The following PPFIA1 variants were observed in gnomAD, a reference collection of about 807,000 sequenced individuals.
The protein encoded by PPFIA1 is PPFI scaffold protein A1, also known as liprin-alpha-1.
A neutral mutation model predicts 149.9 loss-of-function variants in PPFIA1; 25 were observed. The observed-to-expected ratio is 0.17, with a 90% CI of 0.12 to 0.23. The LOEUF (loss-of-function observed/expected upper bound fraction) is 0.23. PPFIA1 is among the 10% of genes least tolerant of loss of function. The pLI is 1.00. For missense variants in PPFIA1, 1,362 were observed against 1,506.5 expected, an observed-to-expected ratio of 0.90 and a Z score of 1.59; for synonymous variants, 549 against 552.8, an observed-to-expected ratio of 0.99 and a Z score of 0.10.
At chr11:70,297,447 A>G (rs2052150145) in intron 2 of PPFIA1, among the ~76,000 whole-genome samples, 1 of 152,148 alleles carries the variant, frequency 6.6e-6, no homozygotes, top group Non-Finnish European at 1.5e-5. Flanking sequence ...GATGTAAACA[A>G]TATGGAAACA....
chr11:70,379,508 G>A lies in PPFIA1; in HGVS notation c.3550+1313G>A, dbSNP rs1465528417. ...GTGCTAATTAGGGGCCAAGCATGGT[G>A]GCTTATACCAGTAATCCTAGCACTT... is the stretch of plus-strand genomic sequence containing the variant. On this transcript the variant is annotated intron_variant, in intron 26 of 27. Coordinates refer to ENST00000253925, the MANE Select transcript of PPFIA1 (RefSeq NM_003626.5). Among the ~76,000 whole-genome samples the A allele has an allele frequency of 2.0e-5, 3 of 151,692 alleles. No individual in the cohort carries two copies. The East Asian group carries it at 5.8e-4, about 29-fold the overall frequency.
At position 70,372,591 on chromosome 11, in the gene PPFIA1, T is replaced by TA; in HGVS notation, c.3139+19dup. 1 of 1,584,428 alleles carries TA rather than the reference T, an allele frequency of 6.3e-7. No individual in the cohort carries two copies. Among genetic ancestry groups the TA allele is most frequent in the Non-Finnish European group, 8.6e-7 (1 of 1,156,628 alleles). ...AAATAAAAGGTTAGTACATGACATT[T>TA]AATTGATTCGGTTTACTCCTACTTG... On this transcript the variant is annotated intron_variant, in intron 23 of 27. Coordinates refer to ENST00000253925, the MANE Select transcript of PPFIA1 (RefSeq NM_003626.5).
chr11:70,339,608 C>T (rs1428412835), intron 14 of PPFIA1, among the ~76,000 whole-genome samples: 1 of 147,756 alleles, frequency 6.8e-6, no homozygotes, highest in Non-Finnish European at 1.5e-5. Context: ...GTGTGAGCCA[C>T]CGTGCCTGGC....
chr11:70,352,452 AT>A (rs1338669171), intron 16 of PPFIA1, among the ~76,000 whole-genome samples: 1 of 152,048 alleles, frequency 6.6e-6, no homozygotes, highest in Non-Finnish European at 1.5e-5. Context: ...TAGCATGTTG[AT>A]TGACACTTAG....
chr11:70,354,430 G>A lies in PPFIA1; in HGVS notation c.2293G>A (p.Glu765Lys), dbSNP rs765227857. 3.1e-5 allele frequency: 50 copies of A among 1,613,754 alleles called. No homozygotes were observed. Among genetic ancestry groups the A allele is most frequent in the Non-Finnish European group, 3.4e-5 (40 of 1,179,958 alleles). Residue 765 changes from glutamate (E) to lysine (K), a missense_variant, in exon 17 of 28, where the codon GAG becomes AAG. This residue lies in a region of PPFIA1 where 733 missense variants were observed against 744.1 expected (regional missense o/e 0.99). Coordinates refer to ENST00000253925, the MANE Select transcript of PPFIA1 (RefSeq NM_003626.5). ...AGGGGCGCTGCACACCGTCAGCCAC[G>A]AGGACATCAGGGACATAAGGAAGTA... ...HKGALHTVSHEDIRDIRNSTG... is the reference protein window; with the variant it reads ...HKGALHTVSHKDIRDIRNSTG...
In PPFIA1 at chr11:70,348,601, C is replaced by T. The variant is rs554733010; in HGVS notation, c.2163+181C>T. ...ACAAACTAATTTTAATATCTGGGGC[C>T]GGGCGTGGTGGCTCATGCCTGTGAT... is the stretch of plus-strand genomic sequence containing the variant. On this transcript the variant is annotated intron_variant, in intron 16 of 27. Coordinates refer to ENST00000253925, the MANE Select transcript of PPFIA1 (RefSeq NM_003626.5). 1.2e-4 allele frequency among the ~76,000 whole-genome samples: 18 copies of T among 152,326 alleles called. No individual in the cohort carries two copies. In the South Asian group the frequency reaches 1.4e-3, roughly 12 times the overall value.
intron 7 of PPFIA1, chr11:70,327,183 T>C (rs2054350152): frequency 4.7e-6 from 1 of 213,798 alleles, no homozygotes; most frequent in African/African-American, 2.4e-5. Context: ...TTTGTTCTTA[T>C]GTTCAGATTG....
At chr11:70,314,361 G>A (rs1040869976) in intron 2 of PPFIA1, among the ~76,000 whole-genome samples, 2 of 152,192 alleles carry the variant, frequency 1.3e-5, no homozygotes, top group African/African-American at 4.8e-5. Flanking sequence ...GACAACCCAG[G>A]CTGGGGAAAA....
chr11:70,324,021 TTCCTC>T lies in PPFIA1; in HGVS notation c.265-378_265-374del, dbSNP rs377097927. Among the ~76,000 whole-genome samples the T allele has an allele frequency of 2.7e-4, 41 of 152,366 alleles. No individual in the cohort carries two copies. The East Asian group carries it at 7.5e-3, about 28-fold the overall frequency. ...GGGGTGGTGGCCTTCTAGGCCATCT[TTCCTC>T]TCTCTCCAGCAACTCTAGATCACAT... On this transcript the variant is annotated intron_variant, in intron 2 of 27. Transcript: ENST00000253925.
At chr11:70,382,244 G>A in intron 27 of PPFIA1, 86 bp downstream of exon 27, 3 of 984,272 alleles carry the variant, frequency 3.0e-6, no homozygotes, top group Non-Finnish European at 4.6e-6. Flanking sequence ...TAGGGGTGTG[G>A]ACCATGAAAG....
At chr11:70,297,358 A>G (rs529339971) in intron 2 of PPFIA1, among the ~76,000 whole-genome samples, 86 of 152,260 alleles carry the variant, frequency 5.6e-4, no homozygotes, top group African/African-American at 2.0e-3. Flanking sequence ...GCAGTGAGCT[A>G]TGATCATACC....
At chr11:70,381,722 T>C (rs943403615) in intron 26 of PPFIA1, among the ~76,000 whole-genome samples, 2 of 152,198 alleles carry the variant, frequency 1.3e-5, no homozygotes, top group African/African-American at 2.4e-5. Context: ...ATGGAGCACT[T>C]AGGGCAGGGA....
intron 21 of PPFIA1, among the ~76,000 whole-genome samples, chr11:70,367,167 A>G (rs965483671): frequency 1.3e-5 from 2 of 152,260 alleles, no homozygotes; most frequent in Non-Finnish European, 2.9e-5. Context: ...GTGGAAATAT[A>G]AACAAGACTG....
intron 14 of PPFIA1, among the ~76,000 whole-genome samples, chr11:70,342,425 C>T (rs946896181): frequency 2.6e-5 from 4 of 152,110 alleles, no homozygotes; most frequent in Admixed American, 6.5e-5. Flanking sequence ...GGGGGGATTG[C>T]GTAGGTCCCG....
At position 70,285,788 on chromosome 11, in the gene PPFIA1, A is replaced by G. The variant is rs970621451; in HGVS notation, c.264+13352A>G. On this transcript the variant is annotated intron_variant, in intron 2 of 27. Transcript: ENST00000253925. ...TGCATACTGTTTTCATGCAGTATAC[A>G]TAATGTTTATGTATATAGTGTATAC... is the stretch of plus-strand genomic sequence containing the variant. 3.3e-5 allele frequency among the ~76,000 whole-genome samples: 5 copies of G among 152,140 alleles called. No homozygotes were observed. The South Asian group carries it at 6.2e-4, about 19-fold the overall frequency.
At chr11:70,303,946 C>T (rs1453853449) in intron 2 of PPFIA1, among the ~76,000 whole-genome samples, 1 of 152,034 alleles carries the variant, frequency 6.6e-6, no homozygotes, top group Admixed American at 6.5e-5. Flanking sequence ...GCGGAGGTTG[C>T]GGTGAGCTGA....
chr11:70,341,062 T>C (rs1405350618), intron 14 of PPFIA1: 1 of 342,990 alleles, frequency 2.9e-6, no homozygotes, highest in African/African-American at 2.8e-5. Flanking sequence ...TTCATTTGAG[T>C]GAGGTGCTGA....
At chr11:70,357,354 T>C (rs2056408652) in intron 19 of PPFIA1, among the ~76,000 whole-genome samples, 2 of 152,182 alleles carry the variant, frequency 1.3e-5, no homozygotes, top group Admixed American at 1.3e-4. Context: ...CCCCTTTGCC[T>C]TTAGCCCCTA....
chr11:70,278,983 C>T (rs2050577716), intron 2 of PPFIA1: 1 of 588,808 alleles, frequency 1.7e-6, no homozygotes, highest in Non-Finnish European at 3.3e-6. Context: ...CCTTTACCAG[C>T]AATTGTAGAC....
Sources: allele counts gnomAD v4.1 joint callset (sites outside exome capture counted in the v4.1 genomes callset), GRCh38; gene constraint gnomAD v4.1.1; regional missense constraint gnomAD v4.1.1; transcripts MANE v1.5; gene names NCBI Gene and HGNC (gene_info 2026-07-23, HGNC 2026-07-21).